The following TFAP2B variants were observed in gnomAD, a reference collection of about 807,000 sequenced individuals.
The protein encoded by TFAP2B is transcription factor AP-2-beta.
Under a neutral mutation model 44.3 loss-of-function variants are expected in TFAP2B, and 9 were observed. The observed-to-expected ratio is 0.20, with a 90% CI of 0.12 to 0.35. The LOEUF is 0.35. TFAP2B is among the 10% of genes least tolerant of loss of function. TFAP2B has a pLI of 1.00. For missense variants in TFAP2B, 509 were observed against 600.0 expected, an observed-to-expected ratio of 0.85 and a Z score of 1.59; for synonymous variants, 270 against 263.8, an observed-to-expected ratio of 1.02 and a Z score of -0.23.
intron 1 of TFAP2B, among the ~76,000 whole-genome samples, chr6:50,821,144 CT>C (rs1285564120): frequency 6.6e-6 from 1 of 152,158 alleles, no homozygotes; most frequent in Non-Finnish European, 1.5e-5. Context: ...TCTGTTGCCC[CT>C]GGCTTTGCCT....
intron 3 of TFAP2B, 124 bp from the exon 4 acceptor site, chr6:50,835,937 C>T (rs1046870527): frequency 2.4e-6 from 2 of 841,412 alleles, no homozygotes; most frequent in East Asian, 4.8e-5. Context: ...CTGGAATAAA[C>T]ACTTCCTCCC....
At position 50,823,399 on chromosome 6, in the gene TFAP2B, G is replaced by A. The variant is rs200910053; in HGVS notation, c.82-8G>A. The A allele has an allele frequency of 1.3e-6, 2 of 1,576,376 alleles. No homozygotes were observed. Among genetic ancestry groups the A allele is most frequent in the East Asian group, 2.4e-5 (1 of 42,394 alleles). On this transcript the variant is annotated splice_polypyrimidine_tract_variant and splice_region_variant and intron_variant, in intron 1 of 6. Coordinates refer to ENST00000393655, the MANE Select transcript of TFAP2B (RefSeq NM_003221.4). ...TGGCTCTCTTCCCCTTCCTCTCTCCGCTCCCAGGACCGGCACGATGGTGTC... is the reference window on the plus strand; with the variant it reads ...TGGCTCTCTTCCCCTTCCTCTCTCCACTCCCAGGACCGGCACGATGGTGTC...
At chr6:50,819,467 C>T (rs936764984) in intron 1 of TFAP2B, among the ~76,000 whole-genome samples, 5 of 151,876 alleles carry the variant, frequency 3.3e-5, no homozygotes, top group African/African-American at 1.2e-4. Context: ...AGAGAATTAG[C>T]GGGAAAGAAG....
chr6:50,823,805 G>C lies in TFAP2B; in HGVS notation c.480G>C (p.Ala160=). The C allele has an allele frequency of 6.3e-7, 1 of 1,577,488 alleles. No individual in the cohort carries two copies. Among genetic ancestry groups the C allele is most frequent in the Non-Finnish European group, 8.6e-7 (1 of 1,161,786 alleles). Residue 160 remains alanine (A), a synonymous_variant, in exon 2 of 7, where the codon GCG becomes GCC. Transcript: ENST00000393655. The part of the protein sequence containing the change: ...LLHSAHHGLD[A]GMGDSLSLHG... ...ATTCGGCGCACCACGGCCTGGACGCGGGCATGGGTGACAGCCTCTCGCTGC... is the reference window on the plus strand; with the variant it reads ...ATTCGGCGCACCACGGCCTGGACGCCGGCATGGGTGACAGCCTCTCGCTGC...
At chr6:50,841,495 A>G (rs868107204) in intron 6 of TFAP2B, among the ~76,000 whole-genome samples, 4 of 152,154 alleles carry the variant, frequency 2.6e-5, no homozygotes, top group Middle Eastern at 3.2e-3. Flanking sequence ...GGAAAAAAAT[A>G]AAACCAAACT....
rs1367495663 is a variant in TFAP2B, at chr6:50,843,178, G to A, written c.1169G>A (p.Gly390Glu). 1.2e-6 allele frequency: 2 copies of A among 1,614,242 alleles called. No individual in the cohort carries two copies. Among genetic ancestry groups the A allele is most frequent in the South Asian group, 1.1e-5 (1 of 91,088 alleles). ...CGACCCAGCCCCATCCTGGAGCCGG[G>A]GATCCAGAGCTGCCTCACGCACTTC... Reference protein sequence around the residue: ...NSRPSPILEPGIQSCLTHFSL... With the variant: ...NSRPSPILEPEIQSCLTHFSL... The change falls in exon 7 of 7, where the codon GGG (glycine) becomes GAG (glutamate). Residue 390 changes from glycine to glutamate, a missense_variant. Gly to Glu is a moderately conservative substitution (Grantham distance 98). Coordinates refer to ENST00000393655, the MANE Select transcript of TFAP2B (RefSeq NM_003221.4).
chr6:50,818,476 A>G (rs940749932), upstream of TFAP2B, among the ~76,000 whole-genome samples: 2 of 152,204 alleles, frequency 1.3e-5, no homozygotes, highest in Non-Finnish European at 2.9e-5. Flanking sequence ...TCTCATTATG[A>G]ATTGCAAAGA....
At chr6:50,825,608 T>G (rs758838119) in intron 2 of TFAP2B, among the ~76,000 whole-genome samples, 5 of 152,216 alleles carry the variant, frequency 3.3e-5, no homozygotes, top group Non-Finnish European at 5.9e-5. Context: ...GCCAGATCAG[T>G]GCACATTTGG....
intron 1 of TFAP2B, among the ~76,000 whole-genome samples, chr6:50,820,546 T>G (rs1011986915): frequency 6.6e-6 from 1 of 152,202 alleles, no homozygotes; most frequent in Admixed American, 6.5e-5. Context: ...ATGCTTGGGG[T>G]TTTCCTTTTC....
In TFAP2B at chr6:50,847,246, A is replaced by C. The variant is rs1219934755; in HGVS notation, c.*3854A>C. The C allele has an allele frequency of 6.5e-6, 1 of 152,672 alleles. No homozygotes were observed. The highest frequency in any genetic ancestry group is 1.5e-5 in the Non-Finnish European group (1 of 68,042). The allele number at this position is 152,672 out of a possible 1,614,324, so 9.5% of individuals were successfully genotyped here. A position where few individuals can be genotyped will look rare whatever the true frequency, so the allele number is the denominator to read the frequency against. On this transcript the variant is annotated 3_prime_UTR_variant, in exon 7 of 7. Coordinates refer to ENST00000393655, the MANE Select transcript of TFAP2B (RefSeq NM_003221.4). The stretch of plus-strand genomic sequence containing the variant: ...TGAACACTATCCTTCTTTAAATGCC[A>C]AAATCGACTCCACCTTTGAGTTGGT...
rs1391668579 is a variant in TFAP2B, at chr6:50,845,296, T to G, written c.*1904T>G. On this transcript the variant is annotated 3_prime_UTR_variant, in exon 7 of 7. Coordinates refer to ENST00000393655, the MANE Select transcript of TFAP2B (RefSeq NM_003221.4). ...TCCAGGACTCCCGGTTTTGCCCCCCTCCCGCTTTGCCTTGGTGGGGGTGGG... is the reference window on the plus strand; with the variant it reads ...TCCAGGACTCCCGGTTTTGCCCCCCGCCCGCTTTGCCTTGGTGGGGGTGGG... 2 of 152,068 alleles carry G rather than the reference T, an allele frequency of 1.3e-5. No homozygotes were observed. Among genetic ancestry groups the G allele is most frequent in the African/African-American group, 2.4e-5 (1 of 41,392 alleles). The allele number at this position is 152,068 out of a possible 1,614,324, so 9.4% of individuals were successfully genotyped here.
At chr6:50,830,599 A>G (rs1048329881) in intron 3 of TFAP2B, among the ~76,000 whole-genome samples, 3 of 152,228 alleles carry the variant, frequency 2.0e-5, no homozygotes, top group African/African-American at 7.2e-5. Context: ...AGGGTGTGGT[A>G]TGAATATGAT....
In TFAP2B at chr6:50,842,986, C is replaced by G. The variant is rs996781205; in HGVS notation, c.1083-106C>G. On this transcript the variant is annotated intron_variant, in intron 6 of 6. Transcript: ENST00000393655. ...AGCGGAATCGCCCACATTAGCCTCG[C>G]TCTTCGGTGACCCGGCGCCTCTGGG... 3 of 1,463,666 alleles carry G rather than the reference C, an allele frequency of 2.0e-6. No homozygotes were observed. The African/African-American group carries it at 4.2e-5, about 20-fold the overall frequency. The allele number at this position is 1,463,666 out of a possible 1,614,324, so 90.7% of individuals were successfully genotyped here. A position where few individuals can be genotyped will look rare whatever the true frequency, so the allele number is the denominator to read the frequency against.
chr6:50,825,642 G>A (rs1054513807), intron 2 of TFAP2B, among the ~76,000 whole-genome samples: 1 of 152,158 alleles, frequency 6.6e-6, no homozygotes, highest in African/African-American at 2.4e-5. Context: ...TCAAAGCGTC[G>A]GAAAGGATTT....
At chr6:50,819,460 GA>G (rs925347599) in intron 1 of TFAP2B, among the ~76,000 whole-genome samples, 41 of 152,170 alleles carry the variant, frequency 2.7e-4, no homozygotes, top group African/African-American at 9.4e-4. Flanking sequence ...AGAGGACAGA[GA>G]ATTAGCGGGA....
In TFAP2B at chr6:50,845,960, C is replaced by G. The variant is rs1478837969; in HGVS notation, c.*2568C>G. 6.5e-6 allele frequency: 1 copy of G among 152,684 alleles called. No homozygotes were observed. Among genetic ancestry groups the G allele is most frequent in the African/African-American group, 2.4e-5 (1 of 41,460 alleles). The allele number at this position is 152,684 out of a possible 1,614,324, so 9.5% of individuals were successfully genotyped here. ...GGCTGCAGGTGGGGAGGGCTCCCAG[C>G]GCCGCCAGCGGCCACCCGGGGCGCC... On this transcript the variant is annotated 3_prime_UTR_variant, in exon 7 of 7. Transcript: ENST00000393655.
At chr6:50,818,638 G>C (rs752378322), upstream of TFAP2B, 4 of 494,816 alleles carry the variant, frequency 8.1e-6, no homozygotes, top group Non-Finnish European at 1.5e-5. Context: ...ACTATATGTG[G>C]GTGTCTGGGT....
chr6:50,829,935 G>A (rs748093464), intron 3 of TFAP2B, among the ~76,000 whole-genome samples: 11 of 150,408 alleles, frequency 7.3e-5, no homozygotes, highest in Non-Finnish European at 1.6e-4. Flanking sequence ...TTATTTTAGT[G>A]GTTGCTTCAA....
chr6:50,823,881 C>A lies in TFAP2B; in HGVS notation c.540+16C>A, dbSNP rs1343333423. ...AGACGTCCAGGTAACCACAAACAAA[C>A]AAACAAACAAACAAAAAAGACCACG... On this transcript the variant is annotated intron_variant, in intron 2 of 6. Transcript: ENST00000393655. 6.5e-7 allele frequency: 1 copy of A among 1,539,382 alleles called. No homozygotes were observed.
Sources: allele counts gnomAD v4.1 joint callset (sites outside exome capture counted in the v4.1 genomes callset), GRCh38; gene constraint gnomAD v4.1.1; transcripts MANE v1.5; gene names NCBI Gene and HGNC (gene_info 2026-07-23, HGNC 2026-07-21).